BBX: variants seen among roughly 807,000 people sequenced by gnomAD.
The protein encoded by BBX is HMG box transcription factor BBX.
A neutral mutation model predicts 100.2 loss-of-function variants in BBX; 30 were observed. The ratio of observed to expected loss-of-function variants is 0.30; its 90% CI spans 0.22 to 0.41. The LOEUF is 0.41. Ranked by LOEUF, BBX falls within the 10% of genes least tolerant of loss-of-function variation. The probability of loss-of-function intolerance (pLI) is 1.00; values close to 1 mark genes in which losing one functional copy is unlikely to be tolerated. For missense variants in BBX, 1,023 were observed against 1,129.8 expected (o/e 0.91, Z 1.35); for synonymous variants, 376 against 388.1 (o/e 0.97, Z 0.37).
rs533753656 is a variant in BBX at position 107,572,207 on chromosome 3, G to T, written c.-84+45809G>T. 1.7e-4 allele frequency among the ~76,000 whole-genome samples: 26 copies of T among 152,196 alleles called. 1 individual carries two copies. In the South Asian group the frequency reaches 5.4e-3, roughly 32 times the overall value. On this transcript the variant is annotated intron_variant, in intron 2 of 17. Transcript: ENST00000325805. ...ACCACTGTGTGCTGGTGACCACATCGGACACTCATTGTCTCTTGAACTTTT... is the reference window on the plus strand; with the variant it reads ...ACCACTGTGTGCTGGTGACCACATCTGACACTCATTGTCTCTTGAACTTTT...
intron 2 of BBX, among the ~76,000 whole-genome samples, chr3:107,616,136 A>G (rs561924131): frequency 6.7e-6 from 1 of 149,642 alleles, no homozygotes; most frequent in South Asian, 2.1e-4. Flanking sequence ...ATACAGGTTG[A>G]GCATCCCAGA....
chr3:107,727,092 A>ACC (rs377736032), intron 5 of BBX, among the ~76,000 whole-genome samples: 1 of 149,888 alleles, frequency 6.7e-6, no homozygotes, highest in African/African-American at 2.5e-5. Context: ...ATTTTAAACT[A>ACC]CCCCCCCCAA....
intron 2 of BBX, among the ~76,000 whole-genome samples, chr3:107,588,836 G>A (rs1426793779): frequency 6.6e-6 from 1 of 151,912 alleles, no homozygotes; most frequent in East Asian, 1.9e-4. Flanking sequence ...AAAAGACTGG[G>A]AATAAAAAAT....
chr3:107,549,689 A>T (rs1018548974), intron 2 of BBX, among the ~76,000 whole-genome samples: 2 of 152,134 alleles, frequency 1.3e-5, no homozygotes, highest in Admixed American at 1.3e-4. Context: ...GGTACTCTGG[A>T]TGGCTTTCTC....
chr3:107,796,077 C>T (rs1164995390), intron 15 of BBX, among the ~76,000 whole-genome samples: 1 of 152,140 alleles, frequency 6.6e-6, no homozygotes, highest in Non-Finnish European at 1.5e-5. Context: ...TAGATGGCTC[C>T]TTTAAAGCTA....
chr3:107,696,798 A>T (rs1324508354), intron 3 of BBX, among the ~76,000 whole-genome samples: 3 of 151,428 alleles, frequency 2.0e-5, no homozygotes, highest in Admixed American at 6.6e-5. Flanking sequence ...AGTGTTTTCC[A>T]ACTTGGTTCC....
At chr3:107,648,718 A>G (rs1287809494) in intron 3 of BBX, among the ~76,000 whole-genome samples, 4 of 152,150 alleles carry the variant, frequency 2.6e-5, no homozygotes, top group African/African-American at 4.8e-5. Flanking sequence ...TGACTTTTGC[A>G]TTATTATTAT....
chr3:107,553,156 T>G (rs1255463739), intron 2 of BBX, among the ~76,000 whole-genome samples: 1 of 152,222 alleles, frequency 6.6e-6, no homozygotes, highest in Non-Finnish European at 1.5e-5. Flanking sequence ...TGTTGAACAT[T>G]CTCATTGCAT....
chr3:107,593,430 A>G (rs1004637616), intron 2 of BBX, among the ~76,000 whole-genome samples: 1 of 152,216 alleles, frequency 6.6e-6, no homozygotes, highest in African/African-American at 2.4e-5. Context: ...ATTACTGCCT[A>G]AGGAGATAGG....
intron 2 of BBX, among the ~76,000 whole-genome samples, chr3:107,544,643 G>A (rs1192556846): frequency 6.6e-6 from 1 of 152,038 alleles, no homozygotes; most frequent in African/African-American, 2.4e-5. Flanking sequence ...GGCCAAGGCG[G>A]GCAGATCACT....
At chr3:107,612,217 T>C (rs905410584) in intron 2 of BBX, among the ~76,000 whole-genome samples, 15 of 152,166 alleles carry the variant, frequency 9.9e-5, no homozygotes, top group African/African-American at 3.6e-4. Flanking sequence ...TGGTTCTGTC[T>C]CTCCGTGCTT....
chr3:107,662,645 T>C (rs1165500540), intron 3 of BBX: 2 of 14,644 alleles, frequency 1.4e-4, no homozygotes, highest in South Asian at 2.2e-3. Flanking sequence ...AAGTCTGGGT[T>C]TTTTTTTTTT....
chr3:107,757,263 G>A (rs2065558188), intron 10 of BBX, among the ~76,000 whole-genome samples: 1 of 151,916 alleles, frequency 6.6e-6, no homozygotes, highest in Non-Finnish European at 1.5e-5. Context: ...TGGTAAAGAA[G>A]TGGATTCGTC....
intron 10 of BBX, among the ~76,000 whole-genome samples, chr3:107,757,525 T>A (rs2065578257): frequency 6.6e-6 from 1 of 152,190 alleles, no homozygotes; most frequent in Non-Finnish European, 1.5e-5. Flanking sequence ...AGATTTATAC[T>A]TTTGATTAAA....
chr3:107,793,115 C>T (rs945956477), intron 15 of BBX, among the ~76,000 whole-genome samples: 2 of 152,112 alleles, frequency 1.3e-5, no homozygotes, highest in African/African-American at 4.8e-5. Context: ...TGTAGTAGTA[C>T]ACAGACTGTA....
intron 2 of BBX, among the ~76,000 whole-genome samples, chr3:107,599,767 G>A (rs78324708): frequency 2.0e-5 from 3 of 152,276 alleles, no homozygotes; most frequent in South Asian, 2.1e-4. Context: ...TATGTGCTTC[G>A]TCCCCACATC....
At chr3:107,604,931 A>G (rs2054319495) in intron 2 of BBX, among the ~76,000 whole-genome samples, 1 of 152,200 alleles carries the variant, frequency 6.6e-6, no homozygotes, top group South Asian at 2.1e-4. Context: ...ACAGTTAAAT[A>G]TATTCTTATT....
chr3:107,706,613 A>G (rs918417313), intron 3 of BBX, among the ~76,000 whole-genome samples: 5 of 152,222 alleles, frequency 3.3e-5, no homozygotes, highest in East Asian at 3.8e-4. Context: ...TAAAATTGCA[A>G]TGCAGAATGG....
rs147171675 is a variant in BBX at position 107,537,487 on chromosome 3, G to A, written c.-84+11089G>A. On this transcript the variant is annotated intron_variant, in intron 2 of 17. Transcript: ENST00000325805. ...GAGTTCTAGCCCAATATGGGATTCCGAAAAGGGGAAAATGTGTTTTCCTAT... is the reference window on the plus strand; with the variant it reads ...GAGTTCTAGCCCAATATGGGATTCCAAAAAGGGGAAAATGTGTTTTCCTAT... Among the ~76,000 whole-genome samples, 1,316 of 152,242 alleles carry A rather than the reference G, an allele frequency of 8.6e-3. 24 individuals carry two copies. The highest frequency in any genetic ancestry group is 0.03 in the African/African-American group (1,253 of 41,548).
Sources: allele counts gnomAD v4.1 joint callset (sites outside exome capture counted in the v4.1 genomes callset), GRCh38; gene constraint gnomAD v4.1.1; transcripts MANE v1.5; gene names NCBI Gene and HGNC (gene_info 2026-07-23, HGNC 2026-07-21).